The following TENM3 variants were observed in gnomAD, a reference collection of about 807,000 sequenced individuals.
The protein encoded by TENM3 is teneurin transmembrane protein 3.
A neutral mutation model predicts 255.1 loss-of-function variants in TENM3; 63 were observed. The ratio of observed to expected loss-of-function variants is 0.25; its 90% CI spans 0.20 to 0.30. The LOEUF is 0.30. Ranked by LOEUF, TENM3 falls within the 10% of genes least tolerant of loss-of-function variation. The pLI is 1.00. For missense variants in TENM3, 2,929 were observed against 3,461.1 expected, an observed-to-expected ratio of 0.85 and a Z score of 3.86; for synonymous variants, 1,306 against 1,322.3, an observed-to-expected ratio of 0.99 and a Z score of 0.27.
At chr4:182,545,393 G>T (rs1414945487) in intron 3 of TENM3, among the ~76,000 whole-genome samples, 1 of 151,754 alleles carries the variant, frequency 6.6e-6, no homozygotes, top group Non-Finnish European at 1.5e-5. Flanking sequence ...CAACCACCCA[G>T]GTCTAAGCCA....
chr4:181,705,658 G>A, the TENM3 span, among the ~76,000 whole-genome samples: 3 of 152,118 alleles, frequency 2.0e-5, no homozygotes, highest in Non-Finnish European at 4.4e-5. Flanking sequence ...TAATAACTAG[G>A]TGATGGGTTG....
At chr4:182,215,090 T>G (rs563065681) in intron 1 of TENM3, among the ~76,000 whole-genome samples, 17 of 152,242 alleles carry the variant, frequency 1.1e-4, no homozygotes, top group Middle Eastern at 3.4e-3. Flanking sequence ...TCAGAAACTT[T>G]TGAAGAAATG....
At chr4:182,095,636 A>C in the TENM3 span, among the ~76,000 whole-genome samples, 4 of 152,160 alleles carry the variant, frequency 2.6e-5, no homozygotes, top group Non-Finnish European at 5.9e-5. Flanking sequence ...AGTTAGAAGG[A>C]ATAATACCTG....
chr4:181,626,579 G>A, the TENM3 span, among the ~76,000 whole-genome samples: 1 of 152,008 alleles, frequency 6.6e-6, no homozygotes, highest in Non-Finnish European at 1.5e-5. Flanking sequence ...GGGGAGGGGA[G>A]ATGCCACGCT....
At chr4:182,187,053 T>A (rs1753208465) in intron 1 of TENM3, among the ~76,000 whole-genome samples, 1 of 151,232 alleles carries the variant, frequency 6.6e-6, no homozygotes, top group South Asian at 2.1e-4. Flanking sequence ...AGACTTTTCT[T>A]CCCTATTCTT....
chr4:181,457,957 T>C, the TENM3 span, among the ~76,000 whole-genome samples: 5 of 151,930 alleles, frequency 3.3e-5, no homozygotes, highest in African/African-American at 1.2e-4. Context: ...TATTTTTAAA[T>C]TTAAAATTAA....
At chr4:181,598,060 T>C in the TENM3 span, among the ~76,000 whole-genome samples, 1 of 152,124 alleles carries the variant, frequency 6.6e-6, no homozygotes, top group African/African-American at 2.4e-5. Flanking sequence ...AGGGTATTAG[T>C]AGGACGTGGT....
chr4:182,526,976 AT>A (rs34308223), intron 3 of TENM3, among the ~76,000 whole-genome samples: 30,771 of 147,942 alleles, frequency 0.21, 5,126 homozygotes, highest in African/African-American at 0.46. Flanking sequence ...GAGTTCTTTA[AT>A]TTTTTTTTTT....
Position 182,462,110 on chromosome 4 carries a change from C to T in TENM3, c.511+115181C>T, listed in dbSNP as rs1384048026. ...CAAATTGAGACAGGGTCTCTGTCAT[C>T]CAGGCTGCAGTACAGTGGTGCAATC... On this transcript the variant is annotated intron_variant, in intron 3 of 27. Transcript: ENST00000511685. 4.6e-5 allele frequency among the ~76,000 whole-genome samples: 7 copies of T among 151,384 alleles called. No individual in the cohort carries two copies. The East Asian group carries it at 7.8e-4, about 17-fold the overall frequency.
At chr4:182,080,761 G>A in the TENM3 span, among the ~76,000 whole-genome samples, 2 of 152,190 alleles carry the variant, frequency 1.3e-5, no homozygotes, top group Admixed American at 6.5e-5. Flanking sequence ...GGAGGCAAAG[G>A]CAGGAGGATC....
chr4:181,729,041 A>T, the TENM3 span, among the ~76,000 whole-genome samples: 1 of 152,220 alleles, frequency 6.6e-6, no homozygotes, highest in Non-Finnish European at 1.5e-5. Context: ...TGAACACTAC[A>T]AAATAAACCA....
chr4:182,776,968 C>A (rs577888602), intron 24 of TENM3, among the ~76,000 whole-genome samples: 2 of 152,288 alleles, frequency 1.3e-5, no homozygotes, highest in East Asian at 3.9e-4. Flanking sequence ...TTCTTACTTT[C>A]AAGATAAGAT....
intron 4 of TENM3, among the ~76,000 whole-genome samples, chr4:182,601,399 G>T (rs1747840122): frequency 6.6e-6 from 1 of 152,006 alleles, no homozygotes; most frequent in Non-Finnish European, 1.5e-5. Flanking sequence ...TTACTTCAGT[G>T]AAACTTTCCC....
At chr4:181,890,292 G>A in the TENM3 span, among the ~76,000 whole-genome samples, 1 of 152,176 alleles carries the variant, frequency 6.6e-6, no homozygotes, top group Non-Finnish European at 1.5e-5. Flanking sequence ...GCATGCTGGG[G>A]TTGATTGTGA....
At chr4:181,569,357 A>C in the TENM3 span, among the ~76,000 whole-genome samples, 1 of 152,304 alleles carries the variant, frequency 6.6e-6, no homozygotes, top group East Asian at 1.9e-4. Context: ...ACTTATTTAT[A>C]TTCTAAATCC....
At chr4:182,440,075 G>C (rs965986844) in intron 3 of TENM3, among the ~76,000 whole-genome samples, 1 of 149,386 alleles carries the variant, frequency 6.7e-6, no homozygotes, top group African/African-American at 2.5e-5. Context: ...ATTATAGAAC[G>C]AAACCCCCTT....
chr4:182,442,482 C>T (rs1772563697), intron 3 of TENM3, among the ~76,000 whole-genome samples: 1 of 152,190 alleles, frequency 6.6e-6, no homozygotes, highest in South Asian at 2.1e-4. Flanking sequence ...CTGCACTAGT[C>T]ACCAATGAAT....
In TENM3 at chr4:182,147,192, T is replaced by C. The variant is rs561392953; in HGVS notation, c.-76+2438T>C. 1.1e-4 allele frequency among the ~76,000 whole-genome samples: 17 copies of C among 152,302 alleles called. 1 individual carries two copies. The South Asian group carries it at 3.5e-3, about 32-fold the overall frequency. Reference sequence around the variant, plus strand: ...TTTGTAAAGAGTCAAGCAAAGAAGATAGCAGGAAGAAGCGCGTGGCTATCG... The same window carrying C: ...TTTGTAAAGAGTCAAGCAAAGAAGACAGCAGGAAGAAGCGCGTGGCTATCG... On this transcript the variant is annotated intron_variant, in intron 1 of 2. Coordinates refer to the TENM3 transcript ENST00000512480.
At chr4:181,950,076 C>A in the TENM3 span, among the ~76,000 whole-genome samples, 2 of 152,156 alleles carry the variant, frequency 1.3e-5, no homozygotes, top group Non-Finnish European at 2.9e-5. Flanking sequence ...AGTTAATATG[C>A]CCTGCCCCAC....
Sources: allele counts gnomAD v4.1 joint callset (sites outside exome capture counted in the v4.1 genomes callset), GRCh38; gene constraint gnomAD v4.1.1; transcripts MANE v1.5; gene names NCBI Gene and HGNC (gene_info 2026-07-23, HGNC 2026-07-21).